CERT1: variants seen among roughly 807,000 people sequenced by gnomAD.
CERT1 encodes ceramide transfer protein.
Under a neutral mutation model 87.9 loss-of-function variants are expected in CERT1, and 31 were observed. That is an observed-to-expected ratio of 0.35 (90% CI 0.27 to 0.48). CERT1 has a LOEUF of 0.48. Among genes scored for constraint, CERT1 ranks in the 20% least tolerant of loss-of-function variants. The probability of loss-of-function intolerance (pLI) is 0.99; values close to 1 mark genes in which losing one functional copy is unlikely to be tolerated. For missense variants in CERT1, 487 were observed against 758.0 expected (o/e 0.64, Z 4.20); for synonymous variants, 289 against 250.9 (o/e 1.15, Z -1.44).
At chr5:75,379,708 C>T (rs1297989247) in intron 16 of CERT1, among the ~76,000 whole-genome samples, 1 of 152,110 alleles carries the variant, frequency 6.6e-6, no homozygotes, top group African/African-American at 2.4e-5. Context: ...GCCTCAGCCT[C>T]CGGAGTAGCT....
intron 12 of CERT1, 120 bp from the exon 13 acceptor site, chr5:75,386,154 T>C: frequency 2.7e-6 from 2 of 734,000 alleles, no homozygotes; most frequent in Non-Finnish European, 3.8e-6. Context: ...TTATAGAACA[T>C]ATTCTGCTAA....
chr5:75,381,664 T>G (rs569419099), intron 15 of CERT1, among the ~76,000 whole-genome samples: 57 of 152,134 alleles, frequency 3.7e-4, no homozygotes, highest in Admixed American at 2.4e-3. Flanking sequence ...GCTTAAGAGA[T>G]AACTGTGGGA....
intron 6 of CERT1, among the ~76,000 whole-genome samples, chr5:75,417,900 T>C (rs1763210462): frequency 6.6e-6 from 1 of 152,238 alleles, no homozygotes; most frequent in African/African-American, 2.4e-5. Context: ...CTCACGCCTG[T>C]AATCCCAGCA....
intron 12 of CERT1, among the ~76,000 whole-genome samples, 196 bp from the exon 13 acceptor site, chr5:75,386,230 C>T (rs965770492): frequency 1.3e-5 from 2 of 151,976 alleles, no homozygotes; most frequent in Admixed American, 6.6e-5. Flanking sequence ...CAAGGTAAAC[C>T]TCAGATAAAA....
chr5:75,400,062 G>A (rs1180878017), intron 10 of CERT1, 143 bp downstream of exon 10: 5 of 592,482 alleles, frequency 8.4e-6, no homozygotes, highest in South Asian at 2.5e-5. Context: ...AACCCGGGAG[G>A]TGGAGACTGT....
chr5:75,413,269 T>A (rs76591872), intron 7 of CERT1, among the ~76,000 whole-genome samples: 11,925 of 152,268 alleles, frequency 0.078, 563 homozygotes, highest in South Asian at 0.17. Context: ...AATGTCGTTA[T>A]GCAGTGTATC....
At chr5:75,487,686 A>C (rs1405088792) in intron 2 of CERT1, among the ~76,000 whole-genome samples, 1 of 152,118 alleles carries the variant, frequency 6.6e-6, no homozygotes, top group Non-Finnish European at 1.5e-5. Flanking sequence ...CATTACTCAA[A>C]AGACAACATA....
chr5:75,486,632 T>C (rs148239008), intron 2 of CERT1, among the ~76,000 whole-genome samples: 2 of 152,014 alleles, frequency 1.3e-5, no homozygotes, highest in Non-Finnish European at 2.9e-5. Context: ...ACTGATACAT[T>C]CAGTAAAGTT....
chr5:75,488,757 T>C lies in CERT1; in HGVS notation c.231+17225A>G, dbSNP rs371729435. Among the ~76,000 whole-genome samples, 27 of 152,304 alleles carry C rather than the reference T, an allele frequency of 1.8e-4. No homozygotes were observed. The East Asian group carries it at 2.7e-3, about 15-fold the overall frequency. On this transcript the variant is annotated intron_variant, in intron 2 of 16. Coordinates refer to ENST00000643780, the MANE Select transcript of CERT1 (RefSeq NM_001379029.1). The stretch of plus-strand genomic sequence containing the variant: ...ATTTGTTCCTTTTCCTTGAAGAATT[T>C]TATATTTGATCTAACAGTTTTACTG...
chr5:75,454,216 C>A lies in CERT1; in HGVS notation c.348+4849G>T, dbSNP rs374368897. On this transcript the variant is annotated intron_variant, in intron 3 of 16. Transcript: ENST00000643780. ...GTGCTGAGGGTATGGTAACACATAC[C>A]GTAAACTATCATTATTTTCCTCCTT... Among the ~76,000 whole-genome samples, 7 of 152,148 alleles carry A rather than the reference C, an allele frequency of 4.6e-5. No individual in the cohort carries two copies. In the South Asian group the frequency reaches 1.5e-3, roughly 32 times the overall value.
intron 2 of CERT1, among the ~76,000 whole-genome samples, chr5:75,469,023 G>A (rs1765591095): frequency 6.6e-6 from 1 of 152,068 alleles, no homozygotes; most frequent in Non-Finnish European, 1.5e-5. Flanking sequence ...CTATTTTAAG[G>A]AAGCTCAATG....
chr5:75,509,653 G>A (rs1023397519), intron 1 of CERT1, among the ~76,000 whole-genome samples: 30 of 151,822 alleles, frequency 2.0e-4, no homozygotes, highest in African/African-American at 7.0e-4. Flanking sequence ...GTAATTATCA[G>A]TAGGTCAAAA....
intron 8 of CERT1, among the ~76,000 whole-genome samples, chr5:75,405,992 A>G (rs1186187448): frequency 6.6e-6 from 1 of 151,928 alleles, no homozygotes; most frequent in Non-Finnish European, 1.5e-5. Flanking sequence ...GGCCACCTTC[A>G]ACTCTCATCT....
intron 10 of CERT1, 39 bp downstream of exon 10, chr5:75,400,166 T>C (rs776762264): frequency 1.5e-6 from 2 of 1,338,322 alleles, no homozygotes; most frequent in South Asian, 1.2e-5. Context: ...TGAAGAACAA[T>C]ACAAGGTGTA....
intron 3 of CERT1, among the ~76,000 whole-genome samples, chr5:75,428,664 C>A (rs1437075128): frequency 1.4e-5 from 2 of 145,314 alleles, no homozygotes; most frequent in Non-Finnish European, 1.5e-5. Context: ...GGTGAAAGAG[C>A]GAGACTCTGT....
At chr5:75,486,156 T>A (rs543955063) in intron 2 of CERT1, among the ~76,000 whole-genome samples, 1 of 152,304 alleles carries the variant, frequency 6.6e-6, no homozygotes, top group East Asian at 1.9e-4. Flanking sequence ...TTATTCATCA[T>A]GACCACATGG....
chr5:75,504,212 C>T (rs1483118703), intron 2 of CERT1, among the ~76,000 whole-genome samples: 1 of 151,896 alleles, frequency 6.6e-6, no homozygotes, highest in Non-Finnish European at 1.5e-5. Flanking sequence ...ACTATTCTGT[C>T]CATTGATATG....
chr5:75,449,861 G>T lies in CERT1; in HGVS notation c.348+9204C>A, dbSNP rs572214153. Among the ~76,000 whole-genome samples, 3 of 152,074 alleles carry T rather than the reference G, an allele frequency of 2.0e-5. No individual in the cohort carries two copies. In the East Asian group the frequency reaches 5.8e-4, roughly 29 times the overall value. ...TATGAAGCAGCAGTCAAATCTTCTG[G>T]CTTTTCCCCCCTTAAATGAACTTCC... On this transcript the variant is annotated intron_variant, in intron 3 of 16. Coordinates refer to ENST00000643780, the MANE Select transcript of CERT1 (RefSeq NM_001379029.1).
chr5:75,485,532 G>A (rs578028975), intron 2 of CERT1, among the ~76,000 whole-genome samples: 1 of 151,674 alleles, frequency 6.6e-6, no homozygotes, highest in South Asian at 2.1e-4. Context: ...AGAGACAAAT[G>A]AAATTGAAAC....
Sources: gnomAD v4.1 joint callset for allele counts (sites outside exome capture counted in the v4.1 genomes callset) on GRCh38, gnomAD v4.1.1 for gene constraint, MANE v1.5 for transcripts, NCBI Gene and HGNC (gene_info 2026-07-23, HGNC 2026-07-21) for gene names.